The following ADORA2B variants were observed in gnomAD, a reference collection of about 807,000 sequenced individuals.
The protein encoded by ADORA2B is adenosine A2b receptor, also known as adenosine receptor A2b.
In ADORA2B, 18 loss-of-function variants were observed where a neutral mutation model predicts 20.8. The observed-to-expected ratio is 0.87, with a 90% confidence interval of 0.60 to 1.29. The LOEUF is 1.29. Ranked by LOEUF, ADORA2B falls within the 50% of genes most tolerant of loss-of-function variation. The probability of loss-of-function intolerance (pLI) is 0.00; values close to 1 mark genes in which losing one functional copy is unlikely to be tolerated. For synonymous variants in ADORA2B, 179 were observed against 178.3 expected (o/e 1.00, Z -0.03); for missense variants, 441 against 422.7 (o/e 1.04, Z -0.38).
the ADORA2B span, among the ~76,000 whole-genome samples, chr17:15,922,412 C>A: frequency 5.3e-5 from 8 of 152,138 alleles, no homozygotes; most frequent in South Asian, 1.7e-3. Context: ...CATCCACATT[C>A]TTTTTTTCTG....
At chr17:15,955,359 C>T (rs914053878) in intron 1 of ADORA2B, among the ~76,000 whole-genome samples, 2 of 151,918 alleles carry the variant, frequency 1.3e-5, no homozygotes, top group Non-Finnish European at 2.9e-5. Context: ...TTCCTTATCT[C>T]CATTTCCTCT....
the ADORA2B span, among the ~76,000 whole-genome samples, chr17:15,894,155 A>G: frequency 8.5e-5 from 13 of 152,346 alleles, no homozygotes; most frequent in East Asian, 5.8e-4. Flanking sequence ...ACTGGGCACC[A>G]TAATAAGACA....
the ADORA2B span, among the ~76,000 whole-genome samples, chr17:15,935,361 A>C: frequency 6.6e-6 from 1 of 152,062 alleles, no homozygotes; most frequent in Non-Finnish European, 1.5e-5. Flanking sequence ...CAGAGCTTTT[A>C]CTATGTCATA....
In ADORA2B at chr17:15,972,518, A is replaced by G. The variant is rs1597432201; in HGVS notation, c.336-2161A>G. Among the ~76,000 whole-genome samples, 5 of 152,338 alleles carry G rather than the reference A, an allele frequency of 3.3e-5. No individual in the cohort carries two copies. In the South Asian group the frequency reaches 1.0e-3, roughly 32 times the overall value. On this transcript the variant is annotated intron_variant, in intron 1 of 1. Transcript: ENST00000304222. ...AACCATGGATAGACTAGTGTATAGC[A>G]AAATGTCTAAAAGGGATATTATGGC...
At chr17:15,912,832 T>C in the ADORA2B span, among the ~76,000 whole-genome samples, 1 of 152,256 alleles carries the variant, frequency 6.6e-6, no homozygotes, top group Non-Finnish European at 1.5e-5. Context: ...TCCCATCCTG[T>C]GGCCTAGACT....
the ADORA2B span, among the ~76,000 whole-genome samples, chr17:15,870,255 G>GT: frequency 0.048 from 7,049 of 145,672 alleles, 262 homozygotes; most frequent in Middle Eastern, 0.11. Context: ...AAGTAATTGC[G>GT]TTTTTTCCCA....
the ADORA2B span, among the ~76,000 whole-genome samples, chr17:15,877,311 A>G: frequency 6.6e-6 from 1 of 151,996 alleles, no homozygotes; most frequent in Non-Finnish European, 1.5e-5. Context: ...TTAGTTCTCT[A>G]TCTTTATGCT....
In ADORA2B at chr17:15,974,834, A is replaced by G; in HGVS notation, c.491A>G (p.Glu164Gly). ...CTEPWDGTTN[E>G]SCCLVKCLFE... Reference sequence around the variant, plus strand: ...GAACCCTGGGATGGAACCACGAATGAAAGCTGCTGCCTTGTGAAGTGTCTC... The same window carrying G: ...GAACCCTGGGATGGAACCACGAATGGAAGCTGCTGCCTTGTGAAGTGTCTC... Residue 164 changes from glutamate (E) to glycine (G), a missense_variant, in exon 2 of 2, where the codon GAA (glutamate) becomes GGA (glycine). Physicochemically the swap from Glu to Gly is moderately conservative, Grantham distance 98. Transcript: ENST00000304222. 6.2e-7 allele frequency: 1 copy of G among 1,614,156 alleles called. No homozygotes were observed. The highest frequency in any genetic ancestry group is 8.5e-7 in the Non-Finnish European group (1 of 1,180,030).
chr17:15,877,677 G>C, the ADORA2B span, among the ~76,000 whole-genome samples: 5 of 152,052 alleles, frequency 3.3e-5, no homozygotes, highest in Non-Finnish European at 1.5e-5. Context: ...ATATCCACCT[G>C]GTCCAGAGGC....
the ADORA2B span, among the ~76,000 whole-genome samples, chr17:15,930,825 A>G: frequency 2.0e-5 from 3 of 152,254 alleles, no homozygotes; most frequent in Admixed American, 6.5e-5. Context: ...TAAAATGTCC[A>G]TATTTTTTCA....
the ADORA2B span, among the ~76,000 whole-genome samples, chr17:15,877,101 A>G: frequency 1.3e-5 from 2 of 152,226 alleles, no homozygotes; most frequent in Non-Finnish European, 2.9e-5. Context: ...TTAAGGCTGA[A>G]TAAAATTCCA....
At chr17:15,868,494 C>T in the ADORA2B span, among the ~76,000 whole-genome samples, 71 of 138,722 alleles carry the variant, frequency 5.1e-4, 13 homozygotes, top group East Asian at 9.4e-3. Context: ...TATTCATGGC[C>T]GGGTGTGGTG....
the ADORA2B span, among the ~76,000 whole-genome samples, chr17:15,886,953 G>A: frequency 2.7e-4 from 35 of 131,094 alleles, 6 homozygotes; most frequent in South Asian, 6.6e-3. Flanking sequence ...CAGCCAGGGG[G>A]CAGGAGGTGT....
At chr17:15,915,332 C>T in the ADORA2B span, among the ~76,000 whole-genome samples, 1 of 152,216 alleles carries the variant, frequency 6.6e-6, no homozygotes, top group African/African-American at 2.4e-5. Flanking sequence ...CTGGAGAATC[C>T]AGGCTATTCT....
chr17:15,878,184 TACACACACACACACAC>T, the ADORA2B span, among the ~76,000 whole-genome samples: 4 of 143,820 alleles, frequency 2.8e-5, no homozygotes, highest in African/African-American at 5.1e-5. Flanking sequence ...TGTGTGTGTA[TACACACACACACACAC>T]ACACACACAC....
chr17:15,896,632 T>C, the ADORA2B span, among the ~76,000 whole-genome samples: 2 of 152,204 alleles, frequency 1.3e-5, no homozygotes, highest in Admixed American at 6.5e-5. Context: ...GTTTCAGGAT[T>C]GGTTCACCAC....
intron 1 of ADORA2B, chr17:15,973,957 T>C (rs2151612022): frequency 6.6e-6 from 1 of 152,338 alleles, no homozygotes; most frequent in South Asian, 2.1e-4. Context: ...CAAAGAATGA[T>C]TCACAAATTG....
At chr17:15,912,567 C>T in the ADORA2B span, among the ~76,000 whole-genome samples, 1 of 152,316 alleles carries the variant, frequency 6.6e-6, no homozygotes, top group Non-Finnish European at 1.5e-5. Context: ...ATAGCAGCCA[C>T]GGCTCACTTC....
the ADORA2B span, among the ~76,000 whole-genome samples, chr17:15,892,866 A>G: frequency 1.3e-5 from 2 of 152,130 alleles, no homozygotes; most frequent in Non-Finnish European, 2.9e-5. Context: ...GTCTTTATGA[A>G]ATGTTAGTAA....
Sources: gnomAD v4.1 joint callset for allele counts (sites outside exome capture counted in the v4.1 genomes callset) on GRCh38, gnomAD v4.1.1 for gene constraint, MANE v1.5 for transcripts, NCBI Gene and HGNC (gene_info 2026-07-23, HGNC 2026-07-21) for gene names.